Variants in NIM1K observed in about 807,000 individuals in gnomAD.
NIM1K encodes serine/threonine-protein kinase NIM1.
NIM1K carries 35 observed loss-of-function variants against 37.1 expected under a neutral mutation model. That is an observed-to-expected ratio of 0.94 (90% CI 0.72 to 1.25). The LOEUF is 1.25. NIM1K is among the 50% of genes most tolerant of loss of function. The pLI is 0.00. For missense variants in NIM1K, 564 were observed against 548.0 expected, an observed-to-expected ratio of 1.03 and a Z score of -0.29; for synonymous variants, 234 against 206.6, an observed-to-expected ratio of 1.13 and a Z score of -1.14.
At chr5:43,258,181 C>T (rs1752974473) in intron 2 of NIM1K, among the ~76,000 whole-genome samples, 1 of 152,126 alleles carries the variant, frequency 6.6e-6, no homozygotes, top group South Asian at 2.1e-4. Context: ...TTAAACTTTA[C>T]ATAAATGGCA....
intron 1 of NIM1K, among the ~76,000 whole-genome samples, chr5:43,209,835 G>A (rs777547393): frequency 6.6e-6 from 1 of 152,106 alleles, no homozygotes; most frequent in Non-Finnish European, 1.5e-5. Flanking sequence ...GGCTGGGCTC[G>A]AACTCTTGAC....
intron 2 of NIM1K, among the ~76,000 whole-genome samples, chr5:43,250,268 A>G (rs1371967729): frequency 1.3e-5 from 2 of 152,122 alleles, no homozygotes; most frequent in Non-Finnish European, 2.9e-5. Context: ...TATTATCTAT[A>G]TATGTGTATT....
At chr5:43,198,131 A>ATTTATTTC (rs138828734) in intron 1 of NIM1K, among the ~76,000 whole-genome samples, 2 of 105,940 alleles carry the variant, frequency 1.9e-5, no homozygotes, top group African/African-American at 3.6e-5. Flanking sequence ...GGCCAATATG[A>ATTTATTTC]TTTCTTTCTT....
At chr5:43,216,767 G>C (rs958484222) in intron 1 of NIM1K, among the ~76,000 whole-genome samples, 17 of 152,184 alleles carry the variant, frequency 1.1e-4, no homozygotes, top group Non-Finnish European at 2.4e-4. Flanking sequence ...TAGTTGTTGA[G>C]AATGTAAGCT....
intron 2 of NIM1K, among the ~76,000 whole-genome samples, chr5:43,262,302 T>C (rs1753043857): frequency 6.6e-6 from 1 of 152,194 alleles, no homozygotes; most frequent in African/African-American, 2.4e-5. Flanking sequence ...TGCTTTGTAG[T>C]TCTCCTTGAA....
intron 1 of NIM1K, among the ~76,000 whole-genome samples, chr5:43,227,306 G>C (rs891891431): frequency 6.6e-6 from 1 of 152,178 alleles, no homozygotes; most frequent in Admixed American, 6.5e-5. Flanking sequence ...GTTGCGGTGA[G>C]CCGAGATTGC....
intron 1 of NIM1K, among the ~76,000 whole-genome samples, chr5:43,219,003 A>AT (rs1242988743): frequency 6.6e-6 from 1 of 152,086 alleles, no homozygotes; most frequent in East Asian, 1.9e-4. Flanking sequence ...GGTTCTTGTG[A>AT]TAGTGAGTGA....
chr5:43,263,224 G>A (rs1261647748), intron 2 of NIM1K, among the ~76,000 whole-genome samples: 7 of 152,210 alleles, frequency 4.6e-5, no homozygotes, highest in African/African-American at 1.7e-4. Context: ...ATTCAGCTGT[G>A]AATCTGTCTG....
At chr5:43,210,987 A>G (rs756124400) in intron 1 of NIM1K, among the ~76,000 whole-genome samples, 14 of 151,938 alleles carry the variant, frequency 9.2e-5, no homozygotes, top group Non-Finnish European at 1.8e-4. Context: ...CCTGGCTAAC[A>G]TGGTGAAACC....
At chr5:43,255,320 C>A (rs1165627511) in intron 2 of NIM1K, among the ~76,000 whole-genome samples, 1 of 152,218 alleles carries the variant, frequency 6.6e-6, no homozygotes, top group Non-Finnish European at 1.5e-5. Flanking sequence ...AGCCACTATT[C>A]TAGAGACTGG....
At chr5:43,243,756 A>G (rs1345237362) in intron 1 of NIM1K, among the ~76,000 whole-genome samples, 1 of 151,984 alleles carries the variant, frequency 6.6e-6, no homozygotes, top group East Asian at 1.9e-4. Context: ...GCTCACTGCA[A>G]CCTCCACTTC....
chr5:43,266,342 C>G (rs574922707), intron 2 of NIM1K, among the ~76,000 whole-genome samples: 12 of 152,326 alleles, frequency 7.9e-5, no homozygotes, highest in African/African-American at 2.9e-4. Flanking sequence ...CCACCAGCCT[C>G]ATTGCCACCT....
rs1752758078 is a variant in NIM1K, at chr5:43,245,253, G to C, written c.-523G>C. On this transcript the variant is annotated 5_prime_UTR_variant, in exon 2 of 4. Coordinates refer to ENST00000326035, the MANE Select transcript of NIM1K (RefSeq NM_153361.4). ...TGGGGTCCAGATTATTAGGTCTCCAGCGCCCTGCAGCTTGACAGAAAGAGA... is the reference window on the plus strand; with the variant it reads ...TGGGGTCCAGATTATTAGGTCTCCACCGCCCTGCAGCTTGACAGAAAGAGA... 6.6e-6 allele frequency: 1 copy of C among 152,330 alleles called. No homozygotes were observed. Among genetic ancestry groups the C allele is most frequent in the Admixed American group, 6.5e-5 (1 of 15,286 alleles). The allele number at this position is 152,330 out of a possible 1,614,324, so 9.4% of individuals were successfully genotyped here.
chr5:43,244,364 C>T (rs1278950401), intron 1 of NIM1K, among the ~76,000 whole-genome samples: 1 of 152,220 alleles, frequency 6.6e-6, no homozygotes, highest in Non-Finnish European at 1.5e-5. Context: ...CCCACCTTCA[C>T]TGAGATGGGA....
intron 1 of NIM1K, among the ~76,000 whole-genome samples, chr5:43,230,305 G>A (rs1221818301): frequency 6.6e-6 from 1 of 151,998 alleles, no homozygotes. Context: ...TTGGTCCAAG[G>A]TGGCTGTTTC....
intron 2 of NIM1K, among the ~76,000 whole-genome samples, chr5:43,261,190 A>T (rs1384309968): frequency 6.6e-6 from 1 of 152,156 alleles, no homozygotes; most frequent in Non-Finnish European, 1.5e-5. Flanking sequence ...TGCCACATTG[A>T]CTTCCTCAAT....
chr5:43,255,597 A>T (rs1201119433), intron 2 of NIM1K, among the ~76,000 whole-genome samples: 1 of 151,956 alleles, frequency 6.6e-6, no homozygotes, highest in Non-Finnish European at 1.5e-5. Context: ...AAAAATACAA[A>T]AATTAGCTGG....
chr5:43,206,270 C>T (rs1752109080), intron 1 of NIM1K, among the ~76,000 whole-genome samples: 1 of 151,788 alleles, frequency 6.6e-6, no homozygotes, highest in South Asian at 2.1e-4. Flanking sequence ...CCTGTAGTCC[C>T]ATCACTTTGG....
intron 1 of NIM1K, chr5:43,233,119 G>GC: frequency 7.5e-7 from 1 of 1,341,132 alleles, no homozygotes; most frequent in Admixed American, 1.7e-5. Flanking sequence ...CTCCCAGCAG[G>GC]CATTGCCAAC....
Sources: gnomAD v4.1 joint callset for allele counts (sites outside exome capture counted in the v4.1 genomes callset) on GRCh38, gnomAD v4.1.1 for gene constraint, MANE v1.5 for transcripts, NCBI Gene and HGNC (gene_info 2026-07-23, HGNC 2026-07-21) for gene names.